DNAH14: variants seen among roughly 807,000 people sequenced by gnomAD.
The protein encoded by DNAH14 is dynein axonemal heavy chain 14.
A neutral mutation model predicts 520.9 loss-of-function variants in DNAH14; 478 were observed. The observed-to-expected ratio is 0.92, with a 90% CI of 0.85 to 0.99. The LOEUF is 0.99. Ranked by LOEUF, DNAH14 falls within the 50% of genes least tolerant of loss-of-function variation. The pLI is 0.00. For synonymous variants in DNAH14, 1,581 were observed against 1,757.2 expected (o/e 0.90, Z 2.51); for missense variants, 4,831 against 5,234.5 (o/e 0.92, Z 2.38).
intron 66 of DNAH14, among the ~76,000 whole-genome samples, chr1:225,335,221 A>G (rs562756555): frequency 4.4e-5 from 6 of 136,078 alleles, no homozygotes; most frequent in African/African-American, 1.3e-4. Context: ...GTGTGTATAT[A>G]TGCACATATA....
At chr1:225,284,771 G>A (rs2093699036) in intron 54 of DNAH14, among the ~76,000 whole-genome samples, 1 of 152,092 alleles carries the variant, frequency 6.6e-6, no homozygotes, top group African/African-American at 2.4e-5. Flanking sequence ...GCAACATATA[G>A]CAAGTATTAT....
intron 17 of DNAH14, among the ~76,000 whole-genome samples, chr1:225,058,234 C>T (rs1263109917): frequency 1.3e-5 from 2 of 152,124 alleles, no homozygotes; most frequent in African/African-American, 4.8e-5. Flanking sequence ...TTCAGAGATT[C>T]AACTTCTTCC....
At chr1:225,252,226 G>A in intron 43 of DNAH14, 75 bp from the exon 44 acceptor site, 1 of 806,754 alleles carries the variant, frequency 1.2e-6, no homozygotes, top group Non-Finnish European at 2.1e-6. Flanking sequence ...ATCTTTCAGA[G>A]AGAGTTTACA....
chr1:224,962,104 A>G (rs1451912216), intron 4 of DNAH14, among the ~76,000 whole-genome samples: 1 of 152,132 alleles, frequency 6.6e-6, no homozygotes, highest in African/African-American at 2.4e-5. Context: ...ATTTAACAAC[A>G]TTTTGTCATT....
At chr1:224,948,818 A>G (rs766631739) in intron 1 of DNAH14, among the ~76,000 whole-genome samples, 79 of 152,170 alleles carry the variant, frequency 5.2e-4, no homozygotes, top group Non-Finnish European at 9.1e-4. Context: ...AGAAAATGCA[A>G]GTATCTTAAA....
At chr1:225,163,137 C>CAAAAAAAAAA (rs34356854) in intron 35 of DNAH14, among the ~76,000 whole-genome samples, 1 of 53,684 alleles carries the variant, frequency 1.9e-5, no homozygotes. Flanking sequence ...GACCCTATCT[C>CAAAAAAAAAA]AAAAAAAAAA....
intron 36 of DNAH14, among the ~76,000 whole-genome samples, chr1:225,170,777 C>T (rs2082545752): frequency 6.6e-6 from 1 of 152,208 alleles, no homozygotes; most frequent in African/African-American, 2.4e-5. Context: ...ACCTAATAGA[C>T]ATCTACAAAA....
chr1:224,990,992 G>A (rs2062991277), intron 8 of DNAH14, among the ~76,000 whole-genome samples: 1 of 150,948 alleles, frequency 6.6e-6, no homozygotes, highest in South Asian at 2.1e-4. Context: ...GACTTTTGGA[G>A]GTGATATTTC....
chr1:224,990,506 C>A (rs1006807926), intron 8 of DNAH14, among the ~76,000 whole-genome samples: 6 of 152,164 alleles, frequency 3.9e-5, no homozygotes, highest in Non-Finnish European at 4.4e-5. Flanking sequence ...CATCCTACTC[C>A]CTGCTTTTTT....
Position 224,959,736 on chromosome 1 carries a change from T to C in DNAH14, c.218-417T>C, listed in dbSNP as rs139537988. On this transcript the variant is annotated intron_variant, in intron 3 of 85. Coordinates refer to ENST00000682510, the MANE Select transcript of DNAH14 (RefSeq NM_001367479.1). The stretch of plus-strand genomic sequence containing the variant: ...AGGGTCCTCTTCTGTATTTATTTCA[T>C]GTGAGGATTCACACTTTAAAGATTT... Among the ~76,000 whole-genome samples the C allele has an allele frequency of 2.6e-3, 403 of 152,304 alleles. 1 individual carries two copies. The highest frequency in any genetic ancestry group is 8.4e-3 in the African/African-American group (351 of 41,580).
chr1:225,336,341 A>G (rs981175228), intron 66 of DNAH14, among the ~76,000 whole-genome samples: 16 of 152,062 alleles, frequency 1.1e-4, no homozygotes, highest in African/African-American at 3.6e-4. Context: ...AAAAGACAAA[A>G]TAGATGTTAA....
In DNAH14 at chr1:225,081,778, A is replaced by G. The variant is rs376484981; in HGVS notation, c.3137-771A>G. On this transcript the variant is annotated intron_variant, in intron 19 of 85. Coordinates refer to ENST00000682510, the MANE Select transcript of DNAH14 (RefSeq NM_001367479.1). Reference sequence around the variant, plus strand: ...TTTATAAGTTGAGTAAAAAGGTTGTAAGAGTTGAACCTTCCACTCCATAGG... The same window carrying G: ...TTTATAAGTTGAGTAAAAAGGTTGTGAGAGTTGAACCTTCCACTCCATAGG... 2.6e-5 allele frequency among the ~76,000 whole-genome samples: 4 copies of G among 152,304 alleles called. No individual in the cohort carries two copies. In the East Asian group the frequency reaches 5.8e-4, roughly 22 times the overall value.
chr1:225,230,986 A>G, intron 41 of DNAH14, 87 bp from the exon 42 acceptor site: 1 of 813,028 alleles, frequency 1.2e-6, no homozygotes, highest in Admixed American at 3.1e-5. Flanking sequence ...CACTAACTAA[A>G]CAATGTTAAA....
intron 38 of DNAH14, among the ~76,000 whole-genome samples, chr1:225,201,873 CTTT>C (rs35342713): frequency 4.1e-5 from 5 of 122,546 alleles, no homozygotes; most frequent in Non-Finnish European, 8.1e-5. Flanking sequence ...TTCTTTCTTC[CTTT>C]TTTTTTTTTT....
In DNAH14 at chr1:224,972,139, C is replaced by T. The variant is rs147555163; in HGVS notation, c.768-1952C>T. Among the ~76,000 whole-genome samples, 7 of 151,106 alleles carry T rather than the reference C, an allele frequency of 4.6e-5. No individual in the cohort carries two copies. In the East Asian group the frequency reaches 1.4e-3, roughly 31 times the overall value. On this transcript the variant is annotated intron_variant, in intron 7 of 85. Coordinates refer to ENST00000682510, the MANE Select transcript of DNAH14 (RefSeq NM_001367479.1). ...AGATGGGACAAGAATCATCTTTTTA[C>T]ATGACATTTGGCATCAATGTCTATA...
chr1:225,250,722 T>C, intron 43 of DNAH14: 1 of 523,834 alleles, frequency 1.9e-6, no homozygotes, highest in Non-Finnish European at 3.5e-6. Flanking sequence ...GTACCTTTAT[T>C]GTGGTTTCTG....
chr1:225,240,825 A>G lies in DNAH14; in HGVS notation c.6748+3A>G. ...ATTTGGAAACAGTTCACAAGTAGGT[A>G]AGTTCTGTGGGAAAAATCATAACTA... On this transcript the variant is annotated splice_donor_region_variant and intron_variant, in intron 43 of 85. Coordinates refer to ENST00000682510, the MANE Select transcript of DNAH14 (RefSeq NM_001367479.1). 1 of 1,534,894 alleles carries G rather than the reference A, an allele frequency of 6.5e-7. No individual in the cohort carries two copies.
At chr1:225,055,809 G>A (rs577419698) in intron 17 of DNAH14, among the ~76,000 whole-genome samples, 1 of 151,622 alleles carries the variant, frequency 6.6e-6, no homozygotes, top group African/African-American at 2.4e-5. Flanking sequence ...CCTTGCGATA[G>A]TTTGCTGAGA....
intron 12 of DNAH14, 129 bp from the exon 13 acceptor site, chr1:225,042,706 G>A (rs998229929): frequency 1.1e-6 from 1 of 950,922 alleles, no homozygotes; most frequent in Non-Finnish European, 1.5e-6. Context: ...TCAGGTATTT[G>A]GTAATACAGT....
Sources: gnomAD v4.1 joint callset for allele counts (sites outside exome capture counted in the v4.1 genomes callset) on GRCh38, gnomAD v4.1.1 for gene constraint, MANE v1.5 for transcripts, NCBI Gene and HGNC (gene_info 2026-07-23, HGNC 2026-07-21) for gene names.